Variants in IQGAP2 observed in about 807,000 individuals in gnomAD.
IQGAP2 encodes the protein ras GTPase-activating-like protein IQGAP2.
A neutral mutation model predicts 201.3 loss-of-function variants in IQGAP2; 173 were observed. That is an observed-to-expected ratio of 0.86 (90% CI 0.76 to 0.98). The LOEUF (loss-of-function observed/expected upper bound fraction) is 0.98. IQGAP2 is among the 50% of genes least tolerant of loss of function. IQGAP2 has a pLI of 0.00. For synonymous variants in IQGAP2, 675 were observed against 673.9 expected (o/e 1.00, Z -0.03); for missense variants, 1,687 against 1,864.8 (o/e 0.90, Z 1.76).
intron 28 of IQGAP2, among the ~76,000 whole-genome samples, 198 bp from the exon 29 acceptor site, chr5:76,682,917 A>G (rs1561588609): frequency 2.0e-5 from 3 of 152,200 alleles, no homozygotes. Flanking sequence ...GTTTCTTGCA[A>G]CAATTTCTTG....
At chr5:76,505,318 G>A (rs1044788639) in intron 2 of IQGAP2, among the ~76,000 whole-genome samples, 16 of 152,152 alleles carry the variant, frequency 1.1e-4, no homozygotes, top group Non-Finnish European at 8.8e-5. Flanking sequence ...GGAAACCGTC[G>A]AAACTGCAAA....
At chr5:76,592,201 C>G (rs1222428663) in intron 8 of IQGAP2, among the ~76,000 whole-genome samples, 1 of 152,172 alleles carries the variant, frequency 6.6e-6, no homozygotes, top group Non-Finnish European at 1.5e-5. Flanking sequence ...CCCCGATTCT[C>G]TATTACCTAC....
intron 5 of IQGAP2, among the ~76,000 whole-genome samples, chr5:76,577,931 C>A (rs1745579548): frequency 6.6e-6 from 1 of 152,180 alleles, no homozygotes; most frequent in Non-Finnish European, 1.5e-5. Context: ...CAGAAGCCAG[C>A]AAGGAAGTTT....
At chr5:76,610,500 G>A (rs529144735) in intron 12 of IQGAP2, among the ~76,000 whole-genome samples, 12 of 151,604 alleles carry the variant, frequency 7.9e-5, no homozygotes, top group South Asian at 4.2e-4. Context: ...CACAGGAGGC[G>A]GAGGTGGCAG....
At chr5:76,435,753 G>A (rs1231730005) in intron 1 of IQGAP2, among the ~76,000 whole-genome samples, 3 of 152,054 alleles carry the variant, frequency 2.0e-5, no homozygotes, top group Non-Finnish European at 2.9e-5. Flanking sequence ...GAATTGCATT[G>A]AATTTGTAGA....
chr5:76,464,488 GTTTCTTGTTTCTGA>G (rs1354764842), intron 2 of IQGAP2, among the ~76,000 whole-genome samples: 1 of 152,108 alleles, frequency 6.6e-6, no homozygotes, highest in East Asian at 1.9e-4. Flanking sequence ...TCTAGGAAGT[GTTTCTTGTTTCTGA>G]TTTCAGTTGA....
intron 21 of IQGAP2, among the ~76,000 whole-genome samples, chr5:76,663,295 A>G (rs1355791145): frequency 6.6e-5 from 10 of 152,198 alleles, no homozygotes; most frequent in Admixed American, 6.5e-4. Flanking sequence ...GTGCCCCTCT[A>G]AGGACACTGG....
chr5:76,518,113 A>G (rs1758449093), intron 2 of IQGAP2, among the ~76,000 whole-genome samples: 3 of 152,002 alleles, frequency 2.0e-5, no homozygotes, highest in South Asian at 4.2e-4. Context: ...ACGCACCACC[A>G]TGCCCAGGTA....
intron 2 of IQGAP2, among the ~76,000 whole-genome samples, chr5:76,537,404 G>A (rs1759686051): frequency 6.6e-6 from 1 of 152,042 alleles, no homozygotes; most frequent in Admixed American, 6.6e-5. Flanking sequence ...GGCCAACTTT[G>A]GACTCTTGAC....
intron 13 of IQGAP2, among the ~76,000 whole-genome samples, chr5:76,614,436 T>C (rs1748713712): frequency 6.6e-6 from 1 of 152,174 alleles, no homozygotes; most frequent in Non-Finnish European, 1.5e-5. Context: ...TTTAAAATAC[T>C]GCAGGTCCAA....
At chr5:76,625,893 A>C (rs1223610805) in intron 13 of IQGAP2, among the ~76,000 whole-genome samples, 2 of 152,166 alleles carry the variant, frequency 1.3e-5, no homozygotes, top group South Asian at 2.1e-4. Context: ...CCATTTGTTA[A>C]ATGTCACATG....
chr5:76,674,025 G>C lies in IQGAP2; in HGVS notation c.3283G>C (p.Glu1095Gln). ...GAAATTCCCCGATGCAACAGAAGAT[G>C]AGCTATTAAAGGTAGATTTTCAAGG... ...HEKFPDATEDELLKIVGNLLY... is the reference protein window; with the variant it reads ...HEKFPDATEDQLLKIVGNLLY... The change falls in exon 26 of 36, where the codon GAG becomes CAG. Residue 1095 changes from glutamate to glutamine, a missense_variant. Coordinates refer to ENST00000274364, the MANE Select transcript of IQGAP2 (RefSeq NM_006633.5). 1 of 1,602,030 alleles carries C rather than the reference G, an allele frequency of 6.2e-7. No individual in the cohort carries two copies. Among genetic ancestry groups the C allele is most frequent in the Non-Finnish European group, 8.6e-7 (1 of 1,169,152 alleles).
At chr5:76,682,938 G>A (rs1266946667) in intron 28 of IQGAP2, among the ~76,000 whole-genome samples, 177 bp from the exon 29 acceptor site, 2 of 152,214 alleles carry the variant, frequency 1.3e-5, no homozygotes, top group South Asian at 2.1e-4. Flanking sequence ...ATGTAGAGTA[G>A]GTGCTTCCCT....
rs1744646338 is a variant in IQGAP2 at position 76,674,648 on chromosome 5, G to A, written c.3466G>A (p.Gly1156Arg). Residue 1156 changes from glycine (G) to arginine (R), a missense_variant, in exon 27 of 36, where the codon GGA becomes AGA. Coordinates refer to ENST00000274364, the MANE Select transcript of IQGAP2 (RefSeq NM_006633.5). Reference sequence around the variant, plus strand: ...CGCAGCCTCCAACAAGCTGTTTGAAGGAGAAAATGAGCATCTCTCATCTAT... The same window carrying A: ...CGCAGCCTCCAACAAGCTGTTTGAAAGAGAAAATGAGCATCTCTCATCTAT... ...QHAASNKLFE[G>R]ENEHLSSMNN... 1 of 1,614,158 alleles carries A rather than the reference G, an allele frequency of 6.2e-7. No homozygotes were observed. The highest frequency in any genetic ancestry group is 8.5e-7 in the Non-Finnish European group (1 of 1,180,008).
intron 2 of IQGAP2, among the ~76,000 whole-genome samples, chr5:76,480,335 T>C (rs2150143933): frequency 6.6e-6 from 1 of 152,328 alleles, no homozygotes; most frequent in East Asian, 1.9e-4. Flanking sequence ...GGCCCTTCTT[T>C]CTCGCAGCCA....
chr5:76,610,898 G>A (rs1748343111), intron 12 of IQGAP2, 122 bp from the exon 13 acceptor site: 3 of 666,692 alleles, frequency 4.5e-6, no homozygotes, highest in Admixed American at 3.2e-5. Context: ...AATTGGTTTT[G>A]TGCTTGCATC....
intron 21 of IQGAP2, among the ~76,000 whole-genome samples, chr5:76,663,160 C>T (rs1170599862): frequency 6.6e-6 from 1 of 152,184 alleles, no homozygotes; most frequent in African/African-American, 2.4e-5. Context: ...GAAATGGGGG[C>T]GGGCCCATGT....
At chr5:76,675,394 G>C (rs1485065653) in intron 27 of IQGAP2, among the ~76,000 whole-genome samples, 2 of 152,176 alleles carry the variant, frequency 1.3e-5, no homozygotes, top group African/African-American at 4.8e-5. Flanking sequence ...ATTTTGAAAG[G>C]TTAGGAAAAC....
Position 76,664,881 on chromosome 5 carries a change from G to T in IQGAP2, c.2530-145G>T, listed in dbSNP as rs780204356. ...TCAATTTGCAAAGAAAAAAAATGCG[G>T]TATCTGTGAAGCACAGTAAAGCAAT... On this transcript the variant is annotated intron_variant, in intron 21 of 35. Coordinates refer to ENST00000274364, the MANE Select transcript of IQGAP2 (RefSeq NM_006633.5). The T allele has an allele frequency of 1.1e-5, 6 of 550,892 alleles. No homozygotes were observed. The South Asian group carries it at 1.6e-4, about 15-fold the overall frequency. The allele number at this position is 550,892 out of a possible 1,614,324, so 34.1% of individuals were successfully genotyped here.
Sources: gnomAD v4.1 joint callset for allele counts (sites outside exome capture counted in the v4.1 genomes callset) on GRCh38, gnomAD v4.1.1 for gene constraint, MANE v1.5 for transcripts, NCBI Gene and HGNC (gene_info 2026-07-23, HGNC 2026-07-21) for gene names.